TENM2: variants seen among roughly 807,000 people sequenced by gnomAD.
TENM2 encodes the protein teneurin-2.
In TENM2, 52 loss-of-function variants were observed where a neutral mutation model predicts 245.2. That is an observed-to-expected ratio of 0.21 (90% CI 0.17 to 0.27). The LOEUF is 0.27. Ranked by LOEUF, TENM2 falls within the 10% of genes least tolerant of loss-of-function variation. The probability of loss-of-function intolerance (pLI) is 1.00; values close to 1 mark genes in which losing one functional copy is unlikely to be tolerated. For synonymous variants in TENM2, 1,363 were observed against 1,438.9 expected (o/e 0.95, Z 1.19); for missense variants, 3,046 against 3,666.8 (o/e 0.83, Z 4.37).
intron 2 of TENM2, among the ~76,000 whole-genome samples, chr5:167,702,577 T>C (rs938648571): frequency 1.4e-5 from 2 of 145,524 alleles, no homozygotes; most frequent in African/African-American, 5.2e-5. Context: ...TATATACATA[T>C]ATATATATAT....
intron 9 of TENM2, among the ~76,000 whole-genome samples, chr5:168,116,551 C>T (rs1795096545): frequency 6.6e-6 from 1 of 152,164 alleles, no homozygotes; most frequent in South Asian, 2.1e-4. Flanking sequence ...CCCGCAACCC[C>T]CCACCACTGG....
At chr5:167,286,808 C>T (rs975551604) in intron 1 of TENM2, among the ~76,000 whole-genome samples, 5 of 152,168 alleles carry the variant, frequency 3.3e-5, no homozygotes, top group Non-Finnish European at 7.4e-5. Context: ...AGGCCTGTCA[C>T]CTTTTCCTTT....
chr5:167,720,307 C>G (rs1004052563), intron 2 of TENM2, among the ~76,000 whole-genome samples: 1 of 151,998 alleles, frequency 6.6e-6, no homozygotes, highest in Non-Finnish European at 1.5e-5. Flanking sequence ...AAAACCTAGC[C>G]ATGCATATGA....
chr5:167,150,733 G>C, the TENM2 span, among the ~76,000 whole-genome samples: 1 of 152,152 alleles, frequency 6.6e-6, no homozygotes. Context: ...ACATAGTTTA[G>C]ATTCAAGGCT....
intron 2 of TENM2, among the ~76,000 whole-genome samples, chr5:167,759,763 A>G (rs1162811185): frequency 6.6e-6 from 1 of 152,148 alleles, no homozygotes; most frequent in Non-Finnish European, 1.5e-5. Context: ...TGCCCCATCA[A>G]TCTATTGTTG....
In TENM2 at chr5:167,321,807, G is replaced by T. The variant is rs1358010172; in HGVS notation, c.226+36744G>T. ...CTTATTTTTTTTTTTTTTTTGGGGG[G>T]GGGGGCGGGGGGGGGGGTGGATGGA... is the stretch of plus-strand genomic sequence containing the variant. On this transcript the variant is annotated intron_variant, in intron 1 of 28. Coordinates refer to ENST00000518659, the Ensembl canonical transcript of TENM2. 7.9e-3 allele frequency among the ~76,000 whole-genome samples: 153 copies of T among 19,262 alleles called. 15 individuals are homozygous for T. The highest frequency in any genetic ancestry group is 0.023 in the African/African-American group (146 of 6,276). 12.6% of individuals were successfully genotyped at this position (19,262 alleles called of 152,430 possible).
chr5:167,565,904 A>C (rs1773877197), intron 2 of TENM2, among the ~76,000 whole-genome samples: 1 of 152,176 alleles, frequency 6.6e-6, no homozygotes, highest in Admixed American at 6.5e-5. Context: ...CTTTTCTTTG[A>C]CATCTGCACA....
chr5:168,141,112 C>G (rs1755507138), intron 12 of TENM2, among the ~76,000 whole-genome samples: 1 of 152,088 alleles, frequency 6.6e-6, no homozygotes. Context: ...CTGCTCTACT[C>G]AGAGAATTCC....
chr5:167,082,821 A>C, the TENM2 span, among the ~76,000 whole-genome samples: 2 of 152,194 alleles, frequency 1.3e-5, no homozygotes, highest in Non-Finnish European at 1.5e-5. Flanking sequence ...TTTACAGTAA[A>C]TAATACTGTT....
the TENM2 span, among the ~76,000 whole-genome samples, chr5:167,023,972 C>CAT: frequency 2.4e-4 from 36 of 151,934 alleles, no homozygotes; most frequent in Admixed American, 1.7e-3. Flanking sequence ...ATACAAAATT[C>CAT]ATATATATAT....
chr5:167,502,121 G>A (rs1769249151), intron 2 of TENM2, among the ~76,000 whole-genome samples: 1 of 152,048 alleles, frequency 6.6e-6, no homozygotes, highest in East Asian at 1.9e-4. Flanking sequence ...CTTTTCACTT[G>A]TAATATCGCC....
At chr5:168,171,846 G>C (rs984929837) in intron 13 of TENM2, among the ~76,000 whole-genome samples, 3 of 152,238 alleles carry the variant, frequency 2.0e-5, no homozygotes, top group Admixed American at 6.5e-5. Context: ...CTGGTGGCAA[G>C]GAGGTGATAT....
chr5:167,631,219 T>A (rs1778847258), intron 2 of TENM2, among the ~76,000 whole-genome samples: 1 of 152,052 alleles, frequency 6.6e-6, no homozygotes, highest in Non-Finnish European at 1.5e-5. Flanking sequence ...TTACTTCAGC[T>A]AGTGATTTGA....
chr5:168,224,193 C>T (rs557191368), intron 23 of TENM2, among the ~76,000 whole-genome samples: 8 of 152,166 alleles, frequency 5.3e-5, no homozygotes, highest in Admixed American at 1.3e-4. Context: ...ACAGAGGAGC[C>T]CTATTGATTT....
chr5:167,282,875 A>C (rs953978135), upstream of TENM2, among the ~76,000 whole-genome samples: 3 of 152,076 alleles, frequency 2.0e-5, no homozygotes, highest in African/African-American at 4.8e-5. Context: ...ATGCAAAAAC[A>C]CTACTTAATG....
At chr5:167,186,880 G>A in the TENM2 span, among the ~76,000 whole-genome samples, 1 of 152,174 alleles carries the variant, frequency 6.6e-6, no homozygotes, top group Non-Finnish European at 1.5e-5. Flanking sequence ...TTCCTTTCAA[G>A]GCTGACTGTG....
chr5:167,525,299 T>C (rs1481760548), intron 2 of TENM2, among the ~76,000 whole-genome samples: 3 of 152,200 alleles, frequency 2.0e-5, no homozygotes, highest in Non-Finnish European at 4.4e-5. Context: ...CGTATTTTAA[T>C]GTTAAGAAAT....
intron 2 of TENM2, among the ~76,000 whole-genome samples, chr5:167,489,387 T>C (rs1171079845): frequency 2.6e-5 from 4 of 152,124 alleles, no homozygotes; most frequent in Non-Finnish European, 5.9e-5. Context: ...AATCCTATGT[T>C]ACTTTCTGTT....
At chr5:167,484,813 AAC>A (rs1275129662) in intron 2 of TENM2, among the ~76,000 whole-genome samples, 4 of 152,216 alleles carry the variant, frequency 2.6e-5, no homozygotes, top group Non-Finnish European at 4.4e-5. Flanking sequence ...ATTCATCATT[AAC>A]ATCCATCAAA....
Sources: allele counts gnomAD v4.1 joint callset (sites outside exome capture counted in the v4.1 genomes callset), GRCh38; gene constraint gnomAD v4.1.1; transcripts MANE v1.5; gene names NCBI Gene and HGNC (gene_info 2026-07-23, HGNC 2026-07-21).